The following PPP1R12C variants were observed in gnomAD, a reference collection of about 807,000 sequenced individuals.
PPP1R12C encodes the protein protein phosphatase 1 regulatory subunit 12C.
A neutral mutation model predicts 95.6 loss-of-function variants in PPP1R12C; 48 were observed. The ratio of observed to expected loss-of-function variants is 0.50; its 90% CI spans 0.40 to 0.64. PPP1R12C has a LOEUF of 0.64. PPP1R12C is among the 30% of genes least tolerant of loss of function. PPP1R12C has a pLI of 0.00. For missense variants in PPP1R12C, 1,057 were observed against 1,083.3 expected (o/e 0.98, Z 0.34); for synonymous variants, 480 against 460.8 (o/e 1.04, Z -0.53).
At chr19:55,108,965 C>G (rs560800891) in intron 3 of PPP1R12C, among the ~76,000 whole-genome samples, 1 of 152,218 alleles carries the variant, frequency 6.6e-6, no homozygotes, top group Non-Finnish European at 1.5e-5. Context: ...CTCGGCCTCC[C>G]TAAGTGCTGG....
intron 1 of PPP1R12C, chr19:55,114,175 G>A (rs553202557): frequency 1.6e-4 from 24 of 145,970 alleles, no homozygotes; most frequent in African/African-American, 6.5e-4. Context: ...CTCAGACCCA[G>A]GAGTCCAGGC....
chr19:55,098,911 C>A (rs1471488845), intron 5 of PPP1R12C, 40 bp downstream of exon 5: 12 of 1,607,240 alleles, frequency 7.5e-6, no homozygotes, highest in Non-Finnish European at 1.0e-5. Context: ...TGGGCCCTCC[C>A]CACGCCCTGC....
At chr19:55,103,903 C>A (rs1455756335) in intron 3 of PPP1R12C, among the ~76,000 whole-genome samples, 2 of 149,672 alleles carry the variant, frequency 1.3e-5, no homozygotes, top group Non-Finnish European at 3.0e-5. Flanking sequence ...GCAATCCCAG[C>A]AACTTTGAGA....
intron 3 of PPP1R12C, among the ~76,000 whole-genome samples, chr19:55,106,912 G>T (rs1334077283): frequency 4.6e-5 from 7 of 152,182 alleles, no homozygotes; most frequent in Admixed American, 3.3e-4. Context: ...CACGCACAGG[G>T]CAAGAGGTGC....
chr19:55,116,518 G>C (rs2085155534), intron 1 of PPP1R12C, among the ~76,000 whole-genome samples: 1 of 151,712 alleles, frequency 6.6e-6, no homozygotes, highest in Non-Finnish European at 1.5e-5. Context: ...GCCACAAGCT[G>C]CAGACAGAAA....
rs2084999305 is a variant in PPP1R12C at position 55,103,397 on chromosome 19, G to A, written c.731+12C>T. On this transcript the variant is annotated intron_variant, in intron 4 of 21. Transcript: ENST00000263433. Reference sequence around the variant, plus strand: ...ATAAGACAGCAAGATGGAACAGACTGGCCCAACTCACCTCATCACCTCAAT... The same window carrying A: ...ATAAGACAGCAAGATGGAACAGACTAGCCCAACTCACCTCATCACCTCAAT... The A allele has an allele frequency of 2.0e-6, 3 of 1,480,970 alleles. No individual in the cohort carries two copies. The highest frequency in any genetic ancestry group is 2.6e-5 in the South Asian group (2 of 75,956). 91.7% of individuals were successfully genotyped at this position (1,480,970 alleles called of 1,614,324 possible).
At chr19:55,097,958 C>T (rs1220816137) in intron 6 of PPP1R12C, among the ~76,000 whole-genome samples, 1 of 152,186 alleles carries the variant, frequency 6.6e-6, no homozygotes, top group Non-Finnish European at 1.5e-5. Context: ...CCTCCCTGGG[C>T]ACCTCAGGGC....
At chr19:55,106,057 G>A (rs752447150) in intron 3 of PPP1R12C, among the ~76,000 whole-genome samples, 47 of 152,130 alleles carry the variant, frequency 3.1e-4, no homozygotes, top group Non-Finnish European at 2.8e-4. Flanking sequence ...GTCAATAAAC[G>A]TGGGATGGAA....
At chr19:55,094,959 A>C in intron 11 of PPP1R12C, 161 bp from the exon 12 acceptor site, 1 of 848,292 alleles carries the variant, frequency 1.2e-6, no homozygotes, top group Admixed American at 2.2e-5. Flanking sequence ...AGACCAGCAC[A>C]CTACGCAACC....
intron 15 of PPP1R12C, 48 bp from the exon 16 acceptor site, chr19:55,092,916 C>G (rs1369075796): frequency 6.3e-7 from 1 of 1,594,334 alleles, no homozygotes; most frequent in South Asian, 1.1e-5. Flanking sequence ...AGCCCCCTCT[C>G]GGTGCCTGGG....
Position 55,092,832 on chromosome 19 carries a change from G to A in PPP1R12C, c.1862C>T (p.Ala621Val), listed in dbSNP as rs752386250. The A allele has an allele frequency of 2.4e-5, 37 of 1,568,254 alleles. No individual in the cohort carries two copies. Among genetic ancestry groups the A allele is most frequent in the Non-Finnish European group, 3.0e-5 (35 of 1,157,142 alleles). ...TCCGACCTTGCGGTGCTCCCTGGCC[G>A]CCTGCGGTCCCGGACCCTGCCCGTC... ...APDGQGPGPQ[A>V]AREHRKVGKE... is the part of the protein sequence containing the mutation. The change falls in exon 16 of 22, where the codon GCG (alanine) becomes GTG (valine). Residue 621 changes from alanine to valine, a missense_variant. This residue lies in a region of PPP1R12C where 347 missense variants were observed against 307.9 expected (regional missense o/e 1.13). Coordinates refer to ENST00000263433, the MANE Select transcript of PPP1R12C (RefSeq NM_017607.4).
At chr19:55,096,202 G>A (rs753727170) in intron 7 of PPP1R12C, 24 bp from the exon 8 acceptor site, 6 of 1,611,642 alleles carry the variant, frequency 3.7e-6, no homozygotes, top group Admixed American at 3.3e-5. Flanking sequence ...AGAGGGTGCT[G>A]GGGTACAAGC....
intron 19 of PPP1R12C, 149 bp downstream of exon 19, chr19:55,092,073 C>T: frequency 9.1e-7 from 1 of 1,104,698 alleles, no homozygotes; most frequent in South Asian, 1.4e-5. Context: ...CATCCCCTCG[C>T]TCAGACTCCG....
intron 3 of PPP1R12C, among the ~76,000 whole-genome samples, chr19:55,104,529 C>G (rs1050086408): frequency 6.6e-6 from 1 of 151,382 alleles, no homozygotes; most frequent in Non-Finnish European, 1.5e-5. Context: ...GTGTTGAAAC[C>G]GTGTCTCTCC....
At chr19:55,096,378 C>T (rs774643234) in intron 6 of PPP1R12C, 43 bp from the exon 7 acceptor site, 3 of 1,590,926 alleles carry the variant, frequency 1.9e-6, no homozygotes, top group African/African-American at 2.7e-5. Flanking sequence ...GTGGAGCACA[C>T]GTGCCCCACA....
Position 55,092,634 on chromosome 19 carries a change from C to T in PPP1R12C, c.1940G>A (p.Ser647Asn), listed in dbSNP as rs777628046. 3.9e-6 allele frequency: 6 copies of T among 1,534,698 alleles called. No homozygotes were observed. The highest frequency in any genetic ancestry group is 2.3e-5 in the East Asian group (1 of 42,900). Residue 647 changes from serine to asparagine, a missense_variant, in exon 17 of 22, where the codon AGC becomes AAC. Physicochemically the swap from Ser to Asn is conservative, Grantham distance 46 (BLOSUM62 1). Coordinates refer to ENST00000263433, the MANE Select transcript of PPP1R12C (RefSeq NM_017607.4). ...EGEEAEPADRSQESSTLEGGP... is the reference protein window; with the variant it reads ...EGEEAEPADRNQESSTLEGGP... ...ACCCCGCCCCTACCTGGACTCCTGG[C>T]TGCGGTCAGCCGGCTCCGCCTCCTC...
chr19:55,095,214 C>T (rs1433448830), intron 11 of PPP1R12C, 77 bp downstream of exon 11: 5 of 1,437,980 alleles, frequency 3.5e-6, no homozygotes, highest in Non-Finnish European at 4.8e-6. Context: ...TACATGGTCT[C>T]ACTCAGGATC....
In PPP1R12C at chr19:55,093,222, AAG is replaced by A. The variant is rs1319596284; in HGVS notation, c.1693_1694del (p.Leu565TyrfsTer38). 1 of 1,613,070 alleles carries A rather than the reference AAG, an allele frequency of 6.2e-7. No individual in the cohort carries two copies. The highest frequency in any genetic ancestry group is 1.1e-5 in the South Asian group (1 of 91,038). On this transcript the variant is annotated frameshift_variant, in exon 14 of 22. Transcript: ENST00000263433. LOFTEE classifies it high-confidence loss of function. ...CCTTCTCTGCCTCCTTCAGGTCTGT[AAG>A]AGTCACACCCTGGCAGGGAAAGGGG... ...QSRRSTQGVT[L>X]TDLKEAEKAA... is the part of the protein sequence containing the mutation.
chr19:55,095,524 C>T lies in PPP1R12C; in HGVS notation c.1307G>A (p.Arg436Lys). ...GSSGALGPPE[R>K]RTAEGAPGAG... ...CCCAGGGGCTCCCTCCGCTGTCCGC[C>T]TTTCAGGGGGACCCAGGGCACCAGA... is the stretch of plus-strand genomic sequence containing the variant. Residue 436 changes from arginine to lysine, a missense_variant, in exon 10 of 22, where the codon AGG becomes AAG. Coordinates refer to ENST00000263433, the MANE Select transcript of PPP1R12C (RefSeq NM_017607.4). 6.3e-7 allele frequency: 1 copy of T among 1,587,982 alleles called. No homozygotes were observed. Among genetic ancestry groups the T allele is most frequent in the Non-Finnish European group, 8.6e-7 (1 of 1,167,450 alleles).
Sources: allele counts gnomAD v4.1 joint callset (sites outside exome capture counted in the v4.1 genomes callset), GRCh38; gene constraint gnomAD v4.1.1; regional missense constraint gnomAD v4.1.1; transcripts MANE v1.5; gene names NCBI Gene and HGNC (gene_info 2026-07-23, HGNC 2026-07-21).